DNAH5: variants seen among roughly 807,000 people sequenced by gnomAD.
The protein encoded by DNAH5 is axonemal beta dynein heavy chain 5.
DNAH5 carries 372 observed loss-of-function variants against 518.2 expected under a neutral mutation model. The observed-to-expected ratio is 0.72, with a 90% confidence interval of 0.66 to 0.78. DNAH5 has a LOEUF of 0.78. Ranked by LOEUF, DNAH5 falls within the 30% of genes least tolerant of loss-of-function variation. The pLI is 0.00. For synonymous variants in DNAH5, 2,039 were observed against 2,025.9 expected (o/e 1.01, Z -0.17); for missense variants, 5,523 against 5,687.0 (o/e 0.97, Z 0.93).
chr5:13,914,522 G>A lies in DNAH5; in HGVS notation c.1318C>T (p.Gln440Ter). 1 of 1,612,820 alleles carries A rather than the reference G, an allele frequency of 6.2e-7. No individual in the cohort carries two copies. Among genetic ancestry groups the A allele is most frequent in the Non-Finnish European group, 8.5e-7 (1 of 1,179,282 alleles). The change falls in exon 10 of 79, where the codon CAG becomes TAG. Residue 440 changes from glutamine to a stop codon, truncating the protein, a stop_gained and splice_region_variant. Coordinates refer to ENST00000265104, the MANE Select transcript of DNAH5 (RefSeq NM_001369.3). LOFTEE classifies it high-confidence loss of function. ...EKILSAIKLKQEYQLCFHKTK... is the reference protein window; with the variant it reads ...EKILSAIKLK ...CTAAATACTAAACTGACCATTACCT[G>A]TTTCAGTTTAATCGCAGATAGTATT... is the stretch of plus-strand genomic sequence containing the variant.
intron 55 of DNAH5, among the ~76,000 whole-genome samples, chr5:13,775,710 G>A (rs1208980948): frequency 6.6e-6 from 1 of 152,082 alleles, no homozygotes; most frequent in African/African-American, 2.4e-5. Flanking sequence ...GCAATGGTGA[G>A]GGCAGTAGAA....
In DNAH5 at chr5:13,866,296, A is replaced by T; in HGVS notation, c.4054-14T>A. 1 of 1,608,978 alleles carries T rather than the reference A, an allele frequency of 6.2e-7. No individual in the cohort carries two copies. The highest frequency in any genetic ancestry group is 8.5e-7 in the Non-Finnish European group (1 of 1,176,990). Reference sequence around the variant, plus strand: ...CATTGGACCATTCTGAACAAAAAGTAAAAAAAGAAAAATAGAAGGAAGTGT... The same window carrying T: ...CATTGGACCATTCTGAACAAAAAGTTAAAAAAGAAAAATAGAAGGAAGTGT... On this transcript the variant is annotated splice_polypyrimidine_tract_variant and intron_variant, in intron 25 of 78. Transcript: ENST00000265104.
At chr5:13,765,940 A>C (rs764753157) in intron 59 of DNAH5, 36 bp downstream of exon 59, 43 of 1,591,650 alleles carry the variant, frequency 2.7e-5, no homozygotes, top group Non-Finnish European at 3.6e-5. Flanking sequence ...GTGAAGAATG[A>C]GTTCCCTCTT....
At chr5:13,863,050 T>C (rs372985983) in intron 28 of DNAH5, among the ~76,000 whole-genome samples, 4 of 152,150 alleles carry the variant, frequency 2.6e-5, no homozygotes, top group East Asian at 3.8e-4. Context: ...ACTTTTAAAT[T>C]TTGAAACTTT....
chr5:13,773,297 G>C (rs1439896773), intron 55 of DNAH5, among the ~76,000 whole-genome samples: 1 of 152,072 alleles, frequency 6.6e-6, no homozygotes, highest in African/African-American at 2.4e-5. Flanking sequence ...CAAGAAAATG[G>C]GAAAATTTCA....
At position 13,765,953 on chromosome 5, in the gene DNAH5, C is replaced by T. The variant is rs778882134; in HGVS notation, c.10101+23G>A. The T allele has an allele frequency of 7.5e-6, 12 of 1,608,880 alleles. No individual in the cohort carries two copies. The South Asian group carries it at 1.1e-4, about 15-fold the overall frequency. On this transcript the variant is annotated intron_variant, in intron 59 of 78. Coordinates refer to ENST00000265104, the MANE Select transcript of DNAH5 (RefSeq NM_001369.3). ...CAGTGAAGAATGAGTTCCCTCTTAGCCCATCACCACTGAACTACCAACCTG... is the reference window on the plus strand; with the variant it reads ...CAGTGAAGAATGAGTTCCCTCTTAGTCCATCACCACTGAACTACCAACCTG...
intron 65 of DNAH5, 63 bp downstream of exon 65, chr5:13,751,015 T>C (rs1750136053): frequency 6.4e-7 from 1 of 1,551,280 alleles, no homozygotes; most frequent in African/African-American, 1.4e-5. Context: ...TATTATCTTA[T>C]TTTTGTCAAT....
At chr5:13,860,370 G>C (rs1417610849) in intron 29 of DNAH5, 2 of 152,306 alleles carry the variant, frequency 1.3e-5, no homozygotes, top group Non-Finnish European at 2.9e-5. Flanking sequence ...ACACTGGAAT[G>C]ATCTCATAGC....
Position 13,900,230 on chromosome 5 carries a change from G to GTA in DNAH5, c.2233_2234dup (p.Lys746ThrfsTer8), listed in dbSNP as rs1561533397. On this transcript the variant is annotated frameshift_variant, in exon 15 of 79. Transcript: ENST00000265104. LOFTEE classifies it high-confidence loss of function. The stretch of plus-strand genomic sequence containing the variant: ...CCTTCATGTTACTGAAGTTCCTTTT[G>GTA]TATCTATCTCGTTTCTGGAAGAGGG... 6.2e-7 allele frequency: 1 copy of GTA among 1,613,972 alleles called. No homozygotes were observed. The highest frequency in any genetic ancestry group is 8.5e-7 in the Non-Finnish European group (1 of 1,179,868).
At chr5:13,772,263 A>C (rs182585951) in intron 55 of DNAH5, among the ~76,000 whole-genome samples, 43 of 152,354 alleles carry the variant, frequency 2.8e-4, no homozygotes, top group African/African-American at 9.9e-4. Flanking sequence ...CCGCTTTCTG[A>C]AATCTTCCTT....
intron 1 of DNAH5, among the ~76,000 whole-genome samples, chr5:13,963,100 CCTG>C (rs1781293597): frequency 6.6e-6 from 1 of 152,008 alleles, no homozygotes; most frequent in Admixed American, 6.6e-5. Context: ...CGCTAGAGCT[CCTG>C]CTTGATGTGA....
At chr5:14,003,489 C>A (rs532036641) in intron 1 of DNAH5, among the ~76,000 whole-genome samples, 12 of 152,262 alleles carry the variant, frequency 7.9e-5, no homozygotes, top group South Asian at 6.2e-4. Context: ...AGAAAGAAGG[C>A]AAATTAGTCC....
intron 72 of DNAH5, among the ~76,000 whole-genome samples, chr5:13,718,020 T>G (rs1207576505): frequency 6.6e-6 from 1 of 151,320 alleles, no homozygotes; most frequent in East Asian, 2.2e-4. Flanking sequence ...TAATTAGATT[T>G]ATTTATTTAT....
chr5:13,879,477 C>G (rs1771338179), intron 21 of DNAH5, among the ~76,000 whole-genome samples: 1 of 151,854 alleles, frequency 6.6e-6, no homozygotes, highest in East Asian at 1.9e-4. Flanking sequence ...CTGATAACCC[C>G]ATTATAAAGT....
chr5:13,951,794 T>C (rs1310976109), intron 1 of DNAH5, among the ~76,000 whole-genome samples: 1 of 152,178 alleles, frequency 6.6e-6, no homozygotes, highest in Non-Finnish European at 1.5e-5. Context: ...TTTTGGGGGC[T>C]ATCTTTGCTG....
chr5:13,773,956 CA>C (rs1753714282), intron 55 of DNAH5, among the ~76,000 whole-genome samples: 1 of 151,634 alleles, frequency 6.6e-6, no homozygotes, highest in African/African-American at 2.4e-5. Flanking sequence ...TCCAGGAAAA[CA>C]GAGCAGGAAA....
chr5:13,898,217 T>C (rs1373890417), intron 15 of DNAH5: 5 of 198,676 alleles, frequency 2.5e-5, no homozygotes, highest in African/African-American at 6.9e-5. Flanking sequence ...ACCCATAAAG[T>C]CATGATATAA....
intron 31 of DNAH5, among the ~76,000 whole-genome samples, chr5:13,845,426 A>G (rs1207050192): frequency 1.3e-5 from 2 of 151,950 alleles, no homozygotes; most frequent in Non-Finnish European, 2.9e-5. Context: ...AAAGCTCCCT[A>G]CAATACTTGA....
intron 75 of DNAH5, among the ~76,000 whole-genome samples, chr5:13,713,388 T>TAC (rs1174898786): frequency 1.0e-4 from 14 of 140,684 alleles, no homozygotes; most frequent in African/African-American, 3.7e-4. Context: ...CATATATATA[T>TAC]ACACTGACAT....
Sources: gnomAD v4.1 joint callset for allele counts (sites outside exome capture counted in the v4.1 genomes callset) on GRCh38, gnomAD v4.1.1 for gene constraint, MANE v1.5 for transcripts, NCBI Gene and HGNC (gene_info 2026-07-23, HGNC 2026-07-21) for gene names.